TRAT1: variants seen among roughly 807,000 people sequenced by gnomAD.
TRAT1 encodes the protein T-cell receptor-associated transmembrane adapter 1.
In TRAT1, 20 loss-of-function variants were observed where a neutral mutation model predicts 20.0. That is an observed-to-expected ratio of 1.00 (90% confidence interval 0.70 to 1.45). The LOEUF (loss-of-function observed/expected upper bound fraction) is 1.45, where lower values mean the gene tolerates loss of function less well. TRAT1 is among the 40% of genes most tolerant of loss of function. TRAT1 has a pLI of 0.00. For missense variants in TRAT1, 237 were observed against 224.1 expected (o/e 1.06, Z -0.37); for synonymous variants, 77 against 74.2 (o/e 1.04, Z -0.20).
At chr3:108,828,069 G>A (rs1043980186) in intron 1 of TRAT1, among the ~76,000 whole-genome samples, 2 of 152,016 alleles carry the variant, frequency 1.3e-5, no homozygotes, top group African/African-American at 4.8e-5. Context: ...CCAAATGATT[G>A]GATGATTTAT....
chr3:108,842,467 A>G (rs936339158), intron 3 of TRAT1, among the ~76,000 whole-genome samples: 15 of 152,158 alleles, frequency 9.9e-5, no homozygotes, highest in Non-Finnish European at 2.2e-4. Context: ...CCAACTGGCT[A>G]TGCAGGTGGG....
intron 3 of TRAT1, among the ~76,000 whole-genome samples, chr3:108,846,805 T>C (rs768393525): frequency 2.0e-5 from 3 of 152,218 alleles, no homozygotes; most frequent in African/African-American, 7.2e-5. Context: ...AATATACAGT[T>C]ACTATTGAAT....
Position 108,854,764 on chromosome 3 carries a change from T to A in TRAT1, c.*887T>A, listed in dbSNP as rs779025988. ...CACCCCACTGATAACCAAATCACAGTTTATTTAAATAATTTTAATGACTTT... is the reference window on the plus strand; with the variant it reads ...CACCCCACTGATAACCAAATCACAGATTATTTAAATAATTTTAATGACTTT... On this transcript the variant is annotated 3_prime_UTR_variant, in exon 6 of 6. Coordinates refer to ENST00000295756, the MANE Select transcript of TRAT1 (RefSeq NM_016388.4). 7 of 152,160 alleles carry A rather than the reference T, an allele frequency of 4.6e-5. No individual in the cohort carries two copies. Among genetic ancestry groups the A allele is most frequent in the Non-Finnish European group, 7.4e-5 (5 of 67,992 alleles). 9.4% of individuals were successfully genotyped at this position (152,160 alleles called of 1,614,324 possible).
At chr3:108,833,437 A>G (rs778269438) in intron 2 of TRAT1, among the ~76,000 whole-genome samples, 28 of 152,142 alleles carry the variant, frequency 1.8e-4, no homozygotes, top group Admixed American at 3.3e-4. Context: ...AAAACAAAAA[A>G]AAACCACGTT....
chr3:108,829,049 T>C (rs376642392), intron 1 of TRAT1, among the ~76,000 whole-genome samples: 9 of 152,312 alleles, frequency 5.9e-5, no homozygotes, highest in East Asian at 5.8e-4. Flanking sequence ...GTATATACTA[T>C]AGAAATTGGA....
chr3:108,837,565 A>G (rs1945850935), intron 2 of TRAT1, among the ~76,000 whole-genome samples: 3 of 152,218 alleles, frequency 2.0e-5, no homozygotes, highest in Admixed American at 2.0e-4. Context: ...TGTTATTGCT[A>G]GTTCCTTACT....
In TRAT1 at chr3:108,847,076, A is replaced by T; in HGVS notation, c.161A>T (p.Glu54Val). ...ATTTTTCCTTGTTATAGGGTTGATG[A>T]GTATTATATTGAAGACACACCAATT... ...SYSSDHTRVD[E>V]YYIEDTPIYG... The change falls in exon 4 of 6, where the codon GAG (glutamate) becomes GTG (valine). Residue 54 changes from glutamate (E) to valine (V), a missense_variant. By Grantham distance (121) the Glu-to-Val change is moderately radical. Transcript: ENST00000295756. The T allele has an allele frequency of 6.6e-7, 1 of 1,523,208 alleles. No individual in the cohort carries two copies. The highest frequency in any genetic ancestry group is 1.2e-5 in the South Asian group (1 of 84,998). The allele number at this position is 1,523,208 out of a possible 1,614,324, so 94.4% of individuals were successfully genotyped here.
In TRAT1 at chr3:108,853,991, G is replaced by A. The variant is rs1309802556; in HGVS notation, c.*114G>A. 1.0e-6 allele frequency: 1 copy of A among 968,020 alleles called. No individual in the cohort carries two copies. The highest frequency in any genetic ancestry group is 1.6e-6 in the Non-Finnish European group (1 of 632,222). The allele number at this position is 968,020 out of a possible 1,614,324, so 60.0% of individuals were successfully genotyped here. ...CAGCAGGGTGATGACCTGATCATTT[G>A]TTGATGGGATGGTGGCTTACCTCTT... On this transcript the variant is annotated 3_prime_UTR_variant, in exon 6 of 6. Coordinates refer to ENST00000295756, the MANE Select transcript of TRAT1 (RefSeq NM_016388.4).
At chr3:108,846,388 C>A (rs1034729389) in intron 3 of TRAT1, among the ~76,000 whole-genome samples, 1 of 152,154 alleles carries the variant, frequency 6.6e-6, no homozygotes, top group African/African-American at 2.4e-5. Context: ...TCAGGGTTCT[C>A]CCCTGTAAAG....
At chr3:108,837,339 A>G (rs1167937804) in intron 2 of TRAT1, among the ~76,000 whole-genome samples, 1 of 152,136 alleles carries the variant, frequency 6.6e-6, no homozygotes, top group Non-Finnish European at 1.5e-5. Flanking sequence ...GCTCCGCAAA[A>G]TCTTCCCTCA....
chr3:108,831,938 G>A (rs1310481357), intron 2 of TRAT1, among the ~76,000 whole-genome samples: 1 of 152,008 alleles, frequency 6.6e-6, no homozygotes, highest in Non-Finnish European at 1.5e-5. Flanking sequence ...TTTAACAGAG[G>A]AAATGAAATA....
intron 2 of TRAT1, among the ~76,000 whole-genome samples, chr3:108,838,399 T>A (rs892027524): frequency 6.7e-6 from 1 of 150,372 alleles, no homozygotes; most frequent in African/African-American, 2.4e-5. Context: ...GATAGATAGA[T>A]AGATAGAGAT....
At chr3:108,823,000 T>C in intron 1 of TRAT1, 66 bp downstream of exon 1, 1 of 1,365,330 alleles carries the variant, frequency 7.3e-7, no homozygotes, top group Non-Finnish European at 1.0e-6. Flanking sequence ...TTCTAAGTCC[T>C]AACGAGAAGA....
rs1440321885 is a variant in TRAT1, at chr3:108,839,067, G to A, written c.152+100G>A. On this transcript the variant is annotated intron_variant, in intron 3 of 5. Transcript: ENST00000295756. ...TTTGGCTCATGGATATTGTACTTAG[G>A]TTAAAATGAAATGAAAAGTGAGTTT... The A allele has an allele frequency of 9.0e-6, 8 of 890,900 alleles. No homozygotes were observed. In the East Asian group the frequency reaches 1.8e-4, roughly 20 times the overall value. The allele number at this position is 890,900 out of a possible 1,614,324, so 55.2% of individuals were successfully genotyped here. A position where few individuals can be genotyped will look rare whatever the true frequency, so the allele number is the denominator to read the frequency against.
intron 3 of TRAT1, among the ~76,000 whole-genome samples, chr3:108,843,354 ACT>A (rs1945912351): frequency 6.6e-6 from 1 of 152,026 alleles, no homozygotes; most frequent in African/African-American, 2.4e-5. Context: ...ACATAGTAAA[ACT>A]CTGTCTCCAT....
chr3:108,839,745 G>C (rs1054579452), intron 3 of TRAT1, among the ~76,000 whole-genome samples: 1 of 152,042 alleles, frequency 6.6e-6, no homozygotes, highest in Non-Finnish European at 1.5e-5. Context: ...AGGGAAACGT[G>C]ATGAACAGAT....
chr3:108,851,910 C>T (rs1171377195), intron 5 of TRAT1, among the ~76,000 whole-genome samples: 2 of 152,138 alleles, frequency 1.3e-5, no homozygotes, highest in African/African-American at 2.4e-5. Flanking sequence ...ATTTGGAATG[C>T]TTTCAGTTAT....
At chr3:108,823,198 G>A (rs1045055478) in intron 1 of TRAT1, among the ~76,000 whole-genome samples, 1 of 152,158 alleles carries the variant, frequency 6.6e-6, no homozygotes, top group African/African-American at 2.4e-5. Flanking sequence ...ATTATGCCAT[G>A]TGAAGTACTT....
Position 108,822,832 on chromosome 3 carries a change from C to T in TRAT1, c.-96C>T, listed in dbSNP as rs1425954534. 3 of 1,013,946 alleles carry T rather than the reference C, an allele frequency of 3.0e-6. No homozygotes were observed. The highest frequency in any genetic ancestry group is 1.9e-5 in the Admixed American group (1 of 53,662). 62.8% of individuals were successfully genotyped at this position (1,013,946 alleles called of 1,614,324 possible). ...TACTGTCATGCTGCTTTTAACATAA[C>T]AGAGCAACATCACCTAGGAAAAAAG... On this transcript the variant is annotated 5_prime_UTR_variant, in exon 1 of 6. Transcript: ENST00000295756.
Sources: gnomAD v4.1 joint callset for allele counts (sites outside exome capture counted in the v4.1 genomes callset) on GRCh38, gnomAD v4.1.1 for gene constraint, MANE v1.5 for transcripts, NCBI Gene and HGNC (gene_info 2026-07-23, HGNC 2026-07-21) for gene names.